Variants in MEF2A observed in about 807,000 individuals in gnomAD.
MEF2A encodes myocyte-specific enhancer factor 2A.
Under a neutral mutation model 55.8 loss-of-function variants are expected in MEF2A, and 28 were observed. The ratio of observed to expected loss-of-function variants is 0.50; its 90% confidence interval spans 0.37 to 0.69. The LOEUF (loss-of-function observed/expected upper bound fraction) is 0.69, where lower values mean the gene tolerates loss of function less well. MEF2A is among the 30% of genes least tolerant of loss of function. The pLI, the probability that MEF2A is intolerant of heterozygous loss-of-function variation, is 0.00. For missense variants in MEF2A, 528 were observed against 626.2 expected (o/e 0.84, Z 1.67); for synonymous variants, 239 against 227.1 (o/e 1.05, Z -0.47).
chr15:99,710,215 A>C lies in MEF2A; in HGVS notation c.1010-419A>C, dbSNP rs1332813801. ...CCACATGTATGTTGTTTTGTTGTGA[A>C]GTATCTGGCTTCTCTCAATGTAGGA... On this transcript the variant is annotated intron_variant, in intron 10 of 11. Coordinates refer to ENST00000557942, the MANE Select transcript of MEF2A (RefSeq NM_001319206.4). 2.0e-5 allele frequency among the ~76,000 whole-genome samples: 3 copies of C among 152,302 alleles called. No individual in the cohort carries two copies. In the East Asian group the frequency reaches 5.8e-4, roughly 29 times the overall value.
At chr15:99,621,868 A>T (rs1446968522) in intron 2 of MEF2A, among the ~76,000 whole-genome samples, 1 of 152,202 alleles carries the variant, frequency 6.6e-6, no homozygotes, top group Admixed American at 6.5e-5. Flanking sequence ...TTTAAAAAAA[A>T]TTTTAATGTG....
At chr15:99,690,124 G>A in intron 7 of MEF2A, 117 bp from the exon 8 acceptor site, 1 of 936,000 alleles carries the variant, frequency 1.1e-6, no homozygotes, top group East Asian at 2.6e-5. Flanking sequence ...ACTCAAACCT[G>A]TAGTGAGTTT....
intron 2 of MEF2A, among the ~76,000 whole-genome samples, chr15:99,617,004 C>G (rs950349296): frequency 6.6e-6 from 1 of 152,164 alleles, no homozygotes. Context: ...CCACTGTCTC[C>G]TGCCTTGTCT....
intron 10 of MEF2A, among the ~76,000 whole-genome samples, chr15:99,708,266 T>C (rs1052240854): frequency 6.6e-6 from 1 of 152,186 alleles, no homozygotes; most frequent in African/African-American, 2.4e-5. Flanking sequence ...GAATTTATAC[T>C]CTGAGAATTG....
chr15:99,661,413 G>GTT lies in MEF2A; in HGVS notation c.259-9896_259-9895dup, dbSNP rs201573554. On this transcript the variant is annotated intron_variant, in intron 4 of 11. Coordinates refer to ENST00000557942, the MANE Select transcript of MEF2A (RefSeq NM_001319206.4). ...AAGAACTCTGCATCCAAAGATAAGCGTTTTTTTTTTTTTTTAATGCTACAT... is the reference window on the plus strand; with the variant it reads ...AAGAACTCTGCATCCAAAGATAAGCGTTTTTTTTTTTTTTTTTAATGCTACAT... Among the ~76,000 whole-genome samples, 200 of 129,588 alleles carry GTT rather than the reference G, an allele frequency of 1.5e-3. 1 individual carries two copies. Among genetic ancestry groups the GTT allele is most frequent in the African/African-American group, 3.9e-3 (137 of 35,366 alleles). The allele number at this position is 129,588 out of a possible 152,430, so 85.0% of individuals were successfully genotyped here.
At chr15:99,664,949 CAG>C (rs1229235093) in intron 4 of MEF2A, among the ~76,000 whole-genome samples, 3 of 152,066 alleles carry the variant, frequency 2.0e-5, no homozygotes, top group Non-Finnish European at 2.9e-5. Flanking sequence ...AGATCATAAA[CAG>C]AGGAGAACTC....
At chr15:99,692,906 G>A (rs1307762239) in intron 8 of MEF2A, among the ~76,000 whole-genome samples, 1 of 152,174 alleles carries the variant, frequency 6.6e-6, no homozygotes, top group Non-Finnish European at 1.5e-5. Context: ...AGTGGTGAAG[G>A]AACAGGAAGA....
intron 7 of MEF2A, among the ~76,000 whole-genome samples, chr15:99,686,340 T>C (rs1258385782): frequency 6.6e-6 from 1 of 152,202 alleles, no homozygotes; most frequent in Non-Finnish European, 1.5e-5. Context: ...ATTTATGATT[T>C]AAGGAGGGTG....
At chr15:99,576,355 C>T (rs1964260350) in intron 1 of MEF2A, among the ~76,000 whole-genome samples, 1 of 152,150 alleles carries the variant, frequency 6.6e-6, no homozygotes, top group African/African-American at 2.4e-5. Flanking sequence ...TTTTCCAAAA[C>T]ATTTTAAAAC....
At chr15:99,572,667 CAT>C (rs1451208416) in intron 1 of MEF2A, among the ~76,000 whole-genome samples, 12 of 152,220 alleles carry the variant, frequency 7.9e-5, no homozygotes, top group Non-Finnish European at 1.3e-4. Flanking sequence ...GTCTTGCACA[CAT>C]AGTTATAGTT....
intron 3 of MEF2A, among the ~76,000 whole-genome samples, chr15:99,642,059 C>T (rs79076640): frequency 6.6e-6 from 1 of 152,148 alleles, no homozygotes; most frequent in African/African-American, 2.4e-5. Flanking sequence ...GTTATACTTC[C>T]TGAGTTTTTT....
chr15:99,708,126 C>T (rs563444757), intron 10 of MEF2A, among the ~76,000 whole-genome samples: 83 of 152,308 alleles, frequency 5.4e-4, no homozygotes, highest in African/African-American at 1.8e-3. Context: ...TCTGTTTCGA[C>T]GCATTGATCA....
At chr15:99,579,323 G>A (rs563424290) in intron 1 of MEF2A, among the ~76,000 whole-genome samples, 127 of 150,890 alleles carry the variant, frequency 8.4e-4, no homozygotes, top group African/African-American at 3.0e-3. Flanking sequence ...TTTTCGGTCA[G>A]TGGAGGGTGG....
chr15:99,567,808 A>G (rs556873959), intron 1 of MEF2A, among the ~76,000 whole-genome samples: 2 of 152,342 alleles, frequency 1.3e-5, no homozygotes, highest in South Asian at 2.1e-4. Context: ...ATCATAAAAC[A>G]TTAAGATCAG....
chr15:99,619,072 G>GGGGAAGGA (rs1211058671), intron 2 of MEF2A, among the ~76,000 whole-genome samples: 1 of 152,220 alleles, frequency 6.6e-6, no homozygotes, highest in Admixed American at 6.5e-5. Context: ...AGGATGGAAG[G>GGGGAAGGA]GGGAAGGAGG....
At chr15:99,608,672 G>A (rs1412627207) in intron 2 of MEF2A, among the ~76,000 whole-genome samples, 1 of 152,192 alleles carries the variant, frequency 6.6e-6, no homozygotes, top group Non-Finnish European at 1.5e-5. Flanking sequence ...GCCGAGGTGG[G>A]TGGATCACCT....
intron 4 of MEF2A, among the ~76,000 whole-genome samples, chr15:99,661,413 GT>G (rs201573554): frequency 0.048 from 6,185 of 129,486 alleles, 132 homozygotes; most frequent in East Asian, 0.062. Context: ...AAAGATAAGC[GT>G]TTTTTTTTTT....
intron 2 of MEF2A, among the ~76,000 whole-genome samples, chr15:99,627,366 G>C (rs1451043100): frequency 7.4e-6 from 1 of 135,742 alleles, no homozygotes; most frequent in Non-Finnish European, 1.5e-5. Context: ...GTTTCAGTGA[G>C]CCGAGATCAC....
At position 99,679,514 on chromosome 15, in the gene MEF2A, A is replaced by G. The variant is rs1213179137; in HGVS notation, c.670+4056A>G. ...TTGAAAAGCAGGCCAAAAAAACTAT[A>G]GTGTTTGGGATGCTTGTGTAGATAG... On this transcript the variant is annotated intron_variant, in intron 7 of 11. Transcript: ENST00000557942. 3.3e-5 allele frequency among the ~76,000 whole-genome samples: 5 copies of G among 152,232 alleles called. No homozygotes were observed. The East Asian group carries it at 9.6e-4, about 29-fold the overall frequency.
Sources: allele counts gnomAD v4.1 joint callset (sites outside exome capture counted in the v4.1 genomes callset), GRCh38; gene constraint gnomAD v4.1.1; transcripts MANE v1.5; gene names NCBI Gene and HGNC (gene_info 2026-07-23, HGNC 2026-07-21).